SBF2: variants seen among roughly 807,000 people sequenced by gnomAD.
SBF2 encodes myotubularin-related protein 13.
A neutral mutation model predicts 225.2 loss-of-function variants in SBF2; 112 were observed. That is an observed-to-expected ratio of 0.50 (90% CI 0.43 to 0.58). SBF2 has a LOEUF of 0.58. Ranked by LOEUF, SBF2 falls within the 20% of genes least tolerant of loss-of-function variation. The probability of loss-of-function intolerance (pLI) is 0.00; values close to 1 mark genes in which losing one functional copy is unlikely to be tolerated. For missense variants in SBF2, 1,996 were observed against 2,206.2 expected (o/e 0.90, Z 1.91); for synonymous variants, 763 against 773.3 (o/e 0.99, Z 0.22).
intron 1 of SBF2, among the ~76,000 whole-genome samples, chr11:10,224,030 G>GTT (rs1958447167): frequency 6.6e-6 from 1 of 152,014 alleles, no homozygotes; most frequent in South Asian, 2.1e-4. Context: ...TGTTTGTGGC[G>GTT]TAAGTTTTCA....
rs368639697 is a variant in SBF2, at chr11:9,858,355, T to C, written c.1971A>G (p.Val657=). 31 of 1,614,086 alleles carry C rather than the reference T, an allele frequency of 1.9e-5. 1 individual carries two copies. The highest frequency in any genetic ancestry group is 1.8e-4 in the East Asian group (8 of 44,902). ...GATTTGTCCAAATGGGGTGGTCTTG[T>C]ACACACGTGTAAGCAAACTGGCTGA... ...PGVSQFAYTC[V]QDHPIWTNQQ... is the part of the protein sequence containing the mutation. Residue 657 remains valine (V), a synonymous_variant, in exon 18 of 40, where the codon GTA becomes GTG. Coordinates refer to ENST00000256190, the MANE Select transcript of SBF2 (RefSeq NM_030962.4).
intron 19 of SBF2, among the ~76,000 whole-genome samples, chr11:9,855,788 G>C (rs1156724120): frequency 3.3e-5 from 5 of 152,224 alleles, no homozygotes; most frequent in Non-Finnish European, 7.3e-5. Context: ...AGTAACATTT[G>C]AGCAGAGACC....
intron 2 of SBF2, among the ~76,000 whole-genome samples, chr11:10,085,129 G>C (rs1426285456): frequency 6.6e-6 from 1 of 152,108 alleles, no homozygotes; most frequent in Non-Finnish European, 1.5e-5. Context: ...CAAATCTATG[G>C]GAAATTCCCA....
chr11:9,835,541 A>T (rs1043115656), intron 26 of SBF2, among the ~76,000 whole-genome samples: 2 of 149,378 alleles, frequency 1.3e-5, no homozygotes, highest in Admixed American at 6.8e-5. Flanking sequence ...CTGAGGTGGA[A>T]GGATCGCCTG....
chr11:10,108,106 A>T (rs1952635944), intron 2 of SBF2, among the ~76,000 whole-genome samples: 1 of 152,234 alleles, frequency 6.6e-6, no homozygotes, highest in Non-Finnish European at 1.5e-5. Context: ...ATAATTTCTC[A>T]TGCCTGAGTC....
At chr11:10,085,520 T>C (rs1951531498) in intron 2 of SBF2, among the ~76,000 whole-genome samples, 2 of 152,210 alleles carry the variant, frequency 1.3e-5, no homozygotes. Context: ...CATACATTTC[T>C]CTCCTGCTTT....
intron 2 of SBF2, among the ~76,000 whole-genome samples, chr11:10,158,224 C>A (rs1955564581): frequency 6.6e-6 from 1 of 151,924 alleles, no homozygotes; most frequent in African/African-American, 2.4e-5. Context: ...TAAATGCCTA[C>A]ATTAAGAAAA....
At chr11:9,859,612 C>T (rs1442335098) in intron 17 of SBF2, among the ~76,000 whole-genome samples, 1 of 152,144 alleles carries the variant, frequency 6.6e-6, no homozygotes, top group African/African-American at 2.4e-5. Flanking sequence ...ATTTAATAAG[C>T]TGAGTGTCTT....
rs1852007243 is a variant in SBF2 at position 9,781,540 on chromosome 11, G to T, written c.5418C>A (p.Ala1806=). 2 of 1,614,196 alleles carry T rather than the reference G, an allele frequency of 1.2e-6. No homozygotes were observed. Among genetic ancestry groups the T allele is most frequent in the South Asian group, 2.2e-5 (2 of 91,078 alleles). ...MVIPAGPSMG[A]PKHTSDKAFF... ...AAGCCTTGTCACTTGTGTGCTTTGG[G>T]GCTCCCATGCTGGGGCCAGCAGGGA... Residue 1806 remains alanine, a synonymous_variant, in exon 39 of 40, where the codon GCC becomes GCA. Transcript: ENST00000256190.
intron 2 of SBF2, among the ~76,000 whole-genome samples, chr11:10,124,021 T>C (rs891390847): frequency 2.0e-5 from 3 of 152,160 alleles, no homozygotes; most frequent in African/African-American, 4.8e-5. Context: ...TATAGAAACA[T>C]TTTATGGTTT....
At chr11:9,828,284 A>G (rs924727348) in intron 28 of SBF2, 1 of 1,267,156 alleles carries the variant, frequency 7.9e-7, no homozygotes, top group South Asian at 1.3e-5. Context: ...CTCAAATGAC[A>G]AAAAGTTATC....
At chr11:10,071,265 CTTTTT>C (rs945479458) in intron 2 of SBF2, among the ~76,000 whole-genome samples, 1 of 103,062 alleles carries the variant, frequency 9.7e-6, no homozygotes, top group African/African-American at 3.6e-5. Flanking sequence ...CTCTCTCTCT[CTTTTT>C]TTTTTTTTTT....
At chr11:10,015,247 T>C (rs1948607935) in intron 6 of SBF2, among the ~76,000 whole-genome samples, 1 of 152,218 alleles carries the variant, frequency 6.6e-6, no homozygotes, top group African/African-American at 2.4e-5. Flanking sequence ...ACTGCATACA[T>C]AGGGACTCCG....
chr11:10,203,991 T>C (rs1159932222), intron 1 of SBF2, among the ~76,000 whole-genome samples: 1 of 151,966 alleles, frequency 6.6e-6, no homozygotes, highest in Non-Finnish European at 1.5e-5. Context: ...AATTTGACTT[T>C]TCCAAATTTG....
At chr11:10,201,521 G>A (rs528919007) in intron 1 of SBF2, among the ~76,000 whole-genome samples, 7 of 152,326 alleles carry the variant, frequency 4.6e-5, no homozygotes, top group Admixed American at 2.0e-4. Flanking sequence ...TTTAATGAGA[G>A]AAGTCTGTTT....
chr11:10,097,054 A>G (rs930641268), intron 2 of SBF2, among the ~76,000 whole-genome samples: 2 of 152,226 alleles, frequency 1.3e-5, no homozygotes, highest in Admixed American at 1.3e-4. Flanking sequence ...TTTATCAACA[A>G]TGTGATAGTA....
At chr11:10,070,250 G>A (rs934235689) in intron 2 of SBF2, among the ~76,000 whole-genome samples, 1 of 152,184 alleles carries the variant, frequency 6.6e-6, no homozygotes, top group Non-Finnish European at 1.5e-5. Context: ...GTCGTAAATG[G>A]TACTGCCTAG....
intron 16 of SBF2, among the ~76,000 whole-genome samples, chr11:9,921,912 T>C (rs1247992623): frequency 6.6e-6 from 1 of 152,192 alleles, no homozygotes; most frequent in African/African-American, 2.4e-5. Context: ...AAAGATGTTA[T>C]GGGATTATAG....
At chr11:9,907,921 A>C (rs1415593126) in intron 16 of SBF2, among the ~76,000 whole-genome samples, 2 of 152,210 alleles carry the variant, frequency 1.3e-5, no homozygotes, top group Admixed American at 6.5e-5. Context: ...TCAGAGGTTA[A>C]ATTATTTGCT....
Sources: gnomAD v4.1 joint callset for allele counts (sites outside exome capture counted in the v4.1 genomes callset) on GRCh38, gnomAD v4.1.1 for gene constraint, MANE v1.5 for transcripts, NCBI Gene and HGNC (gene_info 2026-07-23, HGNC 2026-07-21) for gene names.